Variants in PCDH15 observed in about 807,000 individuals in gnomAD.
PCDH15 encodes the protein protocadherin-15.
A neutral mutation model predicts 178.5 loss-of-function variants in PCDH15; 129 were observed. That is an observed-to-expected ratio of 0.72 (90% CI 0.63 to 0.84). The LOEUF is 0.84. Ranked by LOEUF, PCDH15 falls within the 40% of genes least tolerant of loss-of-function variation. PCDH15 has a pLI of 0.00. For synonymous variants in PCDH15, 800 were observed against 732.0 expected, an observed-to-expected ratio of 1.09 and a Z score of -1.50; for missense variants, 2,230 against 2,099.9, an observed-to-expected ratio of 1.06 and a Z score of -1.21.
At chr10:54,388,074 AAT>A (rs1376916683) in intron 3 of PCDH15, among the ~76,000 whole-genome samples, 1 of 152,160 alleles carries the variant, frequency 6.6e-6, no homozygotes, top group African/African-American at 2.4e-5. Context: ...CAACTGTATG[AAT>A]ATACTTAATA....
intron 21 of PCDH15, among the ~76,000 whole-genome samples, chr10:53,994,030 T>C (rs1301871272): frequency 6.6e-6 from 1 of 152,222 alleles, no homozygotes; most frequent in African/African-American, 2.4e-5. Context: ...ATCTGGCAAT[T>C]TTATTTAAAA....
intron 2 of PCDH15, among the ~76,000 whole-genome samples, chr10:55,412,106 C>A (rs894932862): frequency 7.2e-5 from 11 of 151,854 alleles, no homozygotes; most frequent in Non-Finnish European, 1.5e-4. Context: ...AACATCAGAG[C>A]AGCATAAAAG....
intron 2 of PCDH15, among the ~76,000 whole-genome samples, chr10:54,978,632 G>A (rs921569279): frequency 6.6e-6 from 1 of 152,068 alleles, no homozygotes; most frequent in African/African-American, 2.4e-5. Context: ...TGTTTTCCAA[G>A]AAGACTCACT....
upstream of PCDH15, among the ~76,000 whole-genome samples, chr10:55,321,927 A>G (rs908752267): frequency 6.6e-6 from 1 of 152,218 alleles, no homozygotes; most frequent in Admixed American, 6.5e-5. Flanking sequence ...GACCAGTGAC[A>G]CTTTAAAGCA....
At chr10:53,816,075 T>C (rs1474436300) in intron 35 of PCDH15, among the ~76,000 whole-genome samples, 164 bp downstream of exon 35, 1 of 152,184 alleles carries the variant, frequency 6.6e-6, no homozygotes, top group Admixed American at 6.5e-5. Flanking sequence ...AGGAGGTGAT[T>C]TCTTGGTTTC....
intron 3 of PCDH15, among the ~76,000 whole-genome samples, chr10:54,480,552 G>C (rs969459465): frequency 1.3e-5 from 2 of 152,046 alleles, no homozygotes; most frequent in Non-Finnish European, 2.9e-5. Flanking sequence ...AGAGGAGAAA[G>C]AGGACTTGTC....
chr10:54,809,414 G>A (rs1952828542), intron 3 of PCDH15, among the ~76,000 whole-genome samples: 1 of 151,658 alleles, frequency 6.6e-6, no homozygotes, highest in African/African-American at 2.4e-5. Flanking sequence ...GGCAAAAAAT[G>A]AGACCGTTTA....
intron 2 of PCDH15, among the ~76,000 whole-genome samples, chr10:55,397,426 G>T (rs1837956465): frequency 2.6e-5 from 4 of 152,094 alleles, no homozygotes; most frequent in Admixed American, 2.6e-4. Flanking sequence ...ACATTTAGGT[G>T]TAAGTGAAAG....
At position 54,185,147 on chromosome 10, in the gene PCDH15, G is replaced by A. The variant is rs967946862; in HGVS notation, c.1427C>T (p.Thr476Ile). Residue 476 changes from threonine (T) to isoleucine (I), a missense_variant, in exon 12 of 38, where the codon ACT becomes ATT. Physicochemically the swap from Thr to Ile is moderately conservative, Grantham distance 89. Transcript: ENST00000644397. ...AAAGCTCTTTACCGAAAAGGTGTAA[G>A]TTTGCTGTTCTTCCCTGTCCACTGG... ...LQPVDREEQQ[T>I]YTFSITAFDG... 8 of 1,613,544 alleles carry A rather than the reference G, an allele frequency of 5.0e-6. No individual in the cohort carries two copies. The Admixed American group carries it at 1.3e-4, about 27-fold the overall frequency.
chr10:54,414,347 GA>G (rs1954006118), intron 3 of PCDH15, among the ~76,000 whole-genome samples: 2 of 151,858 alleles, frequency 1.3e-5, no homozygotes, highest in South Asian at 4.2e-4. Flanking sequence ...AACATTTTTG[GA>G]GGGTTTTGGA....
chr10:53,920,050 T>C (rs1271913686), intron 25 of PCDH15, among the ~76,000 whole-genome samples: 1 of 152,140 alleles, frequency 6.6e-6, no homozygotes, highest in Non-Finnish European at 1.5e-5. Flanking sequence ...TTTGAAAATA[T>C]CTCTTTCGCT....
chr10:55,544,078 T>A (rs1251319654), intron 2 of PCDH15, among the ~76,000 whole-genome samples: 1 of 145,446 alleles, frequency 6.9e-6, no homozygotes, highest in Non-Finnish European at 1.5e-5. Context: ...CGGAACCAGG[T>A]AAGATGCAGA....
At chr10:54,521,542 C>A (rs1026220264) in intron 3 of PCDH15, among the ~76,000 whole-genome samples, 4 of 152,112 alleles carry the variant, frequency 2.6e-5, no homozygotes, top group East Asian at 3.9e-4. Flanking sequence ...ACTATTGAAT[C>A]TTCCCTCTTT....
chr10:54,413,299 C>T (rs11004281), intron 3 of PCDH15, among the ~76,000 whole-genome samples: 71,634 of 151,850 alleles, frequency 0.47, 17,621 homozygotes, highest in Non-Finnish European at 0.53. Flanking sequence ...GTTTGTGAAT[C>T]TGAAGGCACT....
intron 2 of PCDH15, among the ~76,000 whole-genome samples, chr10:55,010,336 G>A (rs1047081239): frequency 9.2e-5 from 14 of 152,268 alleles, no homozygotes; most frequent in Admixed American, 3.3e-4. Flanking sequence ...AACATAAGCA[G>A]CAAAGACAGG....
At chr10:53,968,118 CAG>C (rs1247775725) in intron 21 of PCDH15, among the ~76,000 whole-genome samples, 1 of 152,178 alleles carries the variant, frequency 6.6e-6, no homozygotes, top group Non-Finnish European at 1.5e-5. Context: ...GAAGCCATGA[CAG>C]ATGGTACCTG....
At chr10:54,941,024 T>C (rs1838050090) in intron 2 of PCDH15, among the ~76,000 whole-genome samples, 1 of 152,142 alleles carries the variant, frequency 6.6e-6, no homozygotes. Flanking sequence ...TCATTGTTTA[T>C]ATAGTTAGAT....
At position 54,392,362 on chromosome 10, in the gene PCDH15, A is replaced by T. The variant is rs544923203; in HGVS notation, c.158-13420T>A. 2.8e-5 allele frequency among the ~76,000 whole-genome samples: 4 copies of T among 141,122 alleles called. No homozygotes were observed. In the East Asian group the frequency reaches 9.6e-4, roughly 34 times the overall value. 92.6% of individuals were successfully genotyped at this position (141,122 alleles called of 152,430 possible). The stretch of plus-strand genomic sequence containing the variant: ...GCGCCTGTGATCCCAGCTACTTGGG[A>T]GGCTGAGGCAGAAAAATCACTTGAA... On this transcript the variant is annotated intron_variant, in intron 3 of 37. Coordinates refer to ENST00000644397, the MANE Select transcript of PCDH15 (RefSeq NM_001384140.1).
At chr10:54,449,821 G>A (rs2076355951) in intron 3 of PCDH15, among the ~76,000 whole-genome samples, 1 of 151,646 alleles carries the variant, frequency 6.6e-6, no homozygotes, top group African/African-American at 2.4e-5. Flanking sequence ...GGAGATTTTG[G>A]TATCTGTTGG....
Sources: allele counts gnomAD v4.1 joint callset (sites outside exome capture counted in the v4.1 genomes callset), GRCh38; gene constraint gnomAD v4.1.1; transcripts MANE v1.5; gene names NCBI Gene and HGNC (gene_info 2026-07-23, HGNC 2026-07-21).